Variants in SUGCT observed in about 807,000 individuals in gnomAD.
SUGCT encodes the protein succinyl-CoA:glutarate CoA-transferase.
In SUGCT, 41 loss-of-function variants were observed where a neutral mutation model predicts 55.0. The ratio of observed to expected loss-of-function variants is 0.74; its 90% CI spans 0.58 to 0.97. The LOEUF is 0.97. Among genes scored for constraint, SUGCT ranks in the 50% least tolerant of loss-of-function variants. SUGCT has a pLI of 0.00. For missense variants in SUGCT, 568 were observed against 547.8 expected (o/e 1.04, Z -0.37); for synonymous variants, 187 against 200.4 (o/e 0.93, Z 0.56).
At chr7:40,930,037 T>G in the SUGCT span, among the ~76,000 whole-genome samples, 23 of 152,204 alleles carry the variant, frequency 1.5e-4, no homozygotes, top group Non-Finnish European at 2.2e-4. Context: ...TTTCTTCTAG[T>G]GTTTTTATGG....
Position 40,496,941 on chromosome 7 carries a change from G to A in SUGCT, c.1089+555G>A, listed in dbSNP as rs148581839. On this transcript the variant is annotated intron_variant, in intron 12 of 13. Coordinates refer to ENST00000335693, the MANE Select transcript of SUGCT (RefSeq NM_001193313.2). ...ACACAGATAGATATTTGTGCTCTACGTTGCTTATCAGGCTCCTTTTTGGGC... is the reference window on the plus strand; with the variant it reads ...ACACAGATAGATATTTGTGCTCTACATTGCTTATCAGGCTCCTTTTTGGGC... 5.4e-3 allele frequency among the ~76,000 whole-genome samples: 825 copies of A among 152,220 alleles called. 12 individuals are homozygous for A. The highest frequency in any genetic ancestry group is 0.018 in the African/African-American group (764 of 41,526).
At chr7:40,294,766 C>T (rs1419188230) in intron 8 of SUGCT, among the ~76,000 whole-genome samples, 4 of 152,168 alleles carry the variant, frequency 2.6e-5, no homozygotes, top group East Asian at 1.9e-4. Flanking sequence ...AGGCTGGTCT[C>T]GGCCTCCTGA....
At chr7:41,027,890 C>T in the SUGCT span, among the ~76,000 whole-genome samples, 1 of 152,150 alleles carries the variant, frequency 6.6e-6, no homozygotes, top group Admixed American at 6.5e-5. Context: ...TCCAAGCATC[C>T]GAAACAGTAC....
chr7:40,497,809 G>A (rs1249139144), intron 12 of SUGCT, among the ~76,000 whole-genome samples: 1 of 151,680 alleles, frequency 6.6e-6, no homozygotes. Flanking sequence ...CTCCATCTGT[G>A]TTTTATTAGA....
chr7:40,748,851 C>T (rs1365077403), intron 12 of SUGCT, among the ~76,000 whole-genome samples: 1 of 152,124 alleles, frequency 6.6e-6, no homozygotes, highest in Non-Finnish European at 1.5e-5. Context: ...GTGCTTGCTT[C>T]TGACCTGGGT....
chr7:40,554,642 T>A (rs1795467806), intron 12 of SUGCT, among the ~76,000 whole-genome samples: 1 of 152,242 alleles, frequency 6.6e-6, no homozygotes, highest in Non-Finnish European at 1.5e-5. Flanking sequence ...TTTATTGATA[T>A]CTACAGTCTG....
At chr7:40,744,544 G>C (rs1028703544) in intron 12 of SUGCT, among the ~76,000 whole-genome samples, 1 of 151,992 alleles carries the variant, frequency 6.6e-6, no homozygotes, top group Non-Finnish European at 1.5e-5. Context: ...GCCAGAACCT[G>C]GCTAAATTAG....
Position 40,389,722 on chromosome 7 carries a change from G to C in SUGCT, c.817-59565G>C, listed in dbSNP as rs571807984. 5.9e-5 allele frequency among the ~76,000 whole-genome samples: 9 copies of C among 152,278 alleles called. No homozygotes were observed. The South Asian group carries it at 1.9e-3, about 32-fold the overall frequency. On this transcript the variant is annotated intron_variant, in intron 9 of 13. Coordinates refer to ENST00000335693, the MANE Select transcript of SUGCT (RefSeq NM_001193313.2). ...CCAATTAAGAGAGTCGATATAAATA[G>C]TGGCAAAGTAATTTCAATCCAGTTC...
chr7:40,455,303 G>A (rs1789421151), intron 10 of SUGCT, among the ~76,000 whole-genome samples: 1 of 151,732 alleles, frequency 6.6e-6, no homozygotes, highest in Non-Finnish European at 1.5e-5. Flanking sequence ...AGCAAAACAG[G>A]GATAAACAGA....
At chr7:40,657,321 G>C (rs1362673772) in intron 12 of SUGCT, among the ~76,000 whole-genome samples, 3 of 152,010 alleles carry the variant, frequency 2.0e-5, no homozygotes, top group African/African-American at 7.3e-5. Context: ...ATTTTTCCAT[G>C]GTAGTGGTAT....
At chr7:40,881,797 C>T in the SUGCT span, among the ~76,000 whole-genome samples, 1 of 152,178 alleles carries the variant, frequency 6.6e-6, no homozygotes, top group South Asian at 2.1e-4. Context: ...TGTGTTTATT[C>T]TGAAGCTCTC....
the SUGCT span, among the ~76,000 whole-genome samples, chr7:40,955,631 C>T: frequency 2.0e-5 from 3 of 152,190 alleles, no homozygotes; most frequent in African/African-American, 7.2e-5. Context: ...TTATTTCTTT[C>T]TCTTGCCTGA....
rs572932605 is a variant in SUGCT at position 40,503,606 on chromosome 7, C to T, written c.1089+7220C>T. Reference sequence around the variant, plus strand: ...GGGAGACATTTTCTGTTTGAAATAACGGAAATTAACTGTTACTTTTCTCTT... The same window carrying T: ...GGGAGACATTTTCTGTTTGAAATAATGGAAATTAACTGTTACTTTTCTCTT... On this transcript the variant is annotated intron_variant, in intron 12 of 13. Transcript: ENST00000335693. 1.7e-3 allele frequency among the ~76,000 whole-genome samples: 254 copies of T among 152,118 alleles called. 3 individuals carry two copies. Among genetic ancestry groups the T allele is most frequent in the Admixed American group, 3.3e-3 (50 of 15,276 alleles).
chr7:40,961,193 T>C, the SUGCT span, among the ~76,000 whole-genome samples: 2 of 152,214 alleles, frequency 1.3e-5, no homozygotes, highest in East Asian at 3.8e-4. Context: ...TACTTCAAAC[T>C]GGATTAATGT....
At chr7:40,222,046 G>A (rs548663280) in intron 6 of SUGCT, among the ~76,000 whole-genome samples, 10 of 152,214 alleles carry the variant, frequency 6.6e-5, no homozygotes, top group Non-Finnish European at 1.3e-4. Flanking sequence ...TGTGGATTGG[G>A]GTAAGAGAGA....
chr7:41,003,587 G>A, the SUGCT span, among the ~76,000 whole-genome samples: 4 of 151,982 alleles, frequency 2.6e-5, no homozygotes, highest in Non-Finnish European at 4.4e-5. Flanking sequence ...AATTTCTAAC[G>A]GTGGCATGGG....
At chr7:40,665,531 G>T (rs1801580172) in intron 12 of SUGCT, among the ~76,000 whole-genome samples, 1 of 152,042 alleles carries the variant, frequency 6.6e-6, no homozygotes, top group Admixed American at 6.5e-5. Flanking sequence ...CATGAGTGAA[G>T]CCAAGTGAAA....
chr7:40,147,658 G>A (rs554638357), intron 1 of SUGCT, among the ~76,000 whole-genome samples: 1 of 152,172 alleles, frequency 6.6e-6, no homozygotes, highest in Non-Finnish European at 1.5e-5. Flanking sequence ...TAGGTTGCTG[G>A]CCAGTTTCTC....
At chr7:40,967,524 TC>T in the SUGCT span, among the ~76,000 whole-genome samples, 1 of 152,084 alleles carries the variant, frequency 6.6e-6, no homozygotes, top group African/African-American at 2.4e-5. Flanking sequence ...TCACCCTCAA[TC>T]AAACTGAAGT....
Sources: allele counts gnomAD v4.1 joint callset (sites outside exome capture counted in the v4.1 genomes callset), GRCh38; gene constraint gnomAD v4.1.1; transcripts MANE v1.5; gene names NCBI Gene and HGNC (gene_info 2026-07-23, HGNC 2026-07-21).